Variants in C4orf50 observed in about 807,000 individuals in gnomAD.
C4orf50 encodes chromosome 4 open reading frame 50.
C4orf50 carries 80 observed loss-of-function variants against 77.2 expected under a neutral mutation model. The observed-to-expected ratio is 1.04, with a 90% CI of 0.87 to 1.25. The LOEUF is 1.25. C4orf50 is among the 50% of genes most tolerant of loss of function. C4orf50 has a pLI of 0.00. For missense variants in C4orf50, 1,257 were observed against 1,152.9 expected, an observed-to-expected ratio of 1.09 and a Z score of -1.31; for synonymous variants, 532 against 465.3, an observed-to-expected ratio of 1.14 and a Z score of -1.84.
Position 5,989,312 on chromosome 4 carries a change from G to T in C4orf50, c.2734C>A (p.Pro912Thr), listed in dbSNP as rs989944137. ...TCGAGGGCACCCCAGGGCTCAGCAG[G>T]CCCCTGTGGAGGGTTTGGGCTGGCT... The change falls in exon 28 of 34, where the codon CCT becomes ACT. Residue 912 changes from proline (P) to threonine (T), a missense_variant. Physicochemically the swap from Pro to Thr is conservative, Grantham distance 38. Transcript: ENST00000531445. 4.6e-6 allele frequency: 7 copies of T among 1,535,906 alleles called. No homozygotes were observed. In the Middle Eastern group the frequency reaches 5.0e-4, roughly 109 times the overall value.
intron 33 of C4orf50, among the ~76,000 whole-genome samples, chr4:5,961,277 T>C (rs957950584): frequency 1.3e-5 from 2 of 152,186 alleles, no homozygotes; most frequent in African/African-American, 4.8e-5. Flanking sequence ...ATCGTGCCTC[T>C]GCACGCCAGC....
In C4orf50 at chr4:5,992,213, A is replaced by G. The variant is rs1264042490; in HGVS notation, c.1221+590T>C. Reference sequence around the variant, plus strand: ...GAGATACATCGTGAGCAGGATGTGAATGAATGAAGAGATGATGGAGGGCCT... The same window carrying G: ...GAGATACATCGTGAGCAGGATGTGAGTGAATGAAGAGATGATGGAGGGCCT... On this transcript the variant is annotated intron_variant, in intron 27 of 33. Transcript: ENST00000531445. This position sits in a 1 kb window ranked among gnomAD's most constrained non-coding sequence, Gnocchi z 5.0. 2.6e-5 allele frequency among the ~76,000 whole-genome samples: 4 copies of G among 152,208 alleles called. No individual in the cohort carries two copies. In the East Asian group the frequency reaches 7.7e-4, roughly 29 times the overall value.
chr4:5,976,589 T>C (rs1158680400), intron 29 of C4orf50, among the ~76,000 whole-genome samples: 1 of 152,100 alleles, frequency 6.6e-6, no homozygotes, highest in Non-Finnish European at 1.5e-5. Flanking sequence ...TACAAGTTCC[T>C]GAGCCAGACA....
At chr4:5,987,554 AAG>A (rs780978544) in intron 28 of C4orf50, among the ~76,000 whole-genome samples, 11 of 151,750 alleles carry the variant, frequency 7.2e-5, no homozygotes, top group Non-Finnish European at 1.3e-4. Context: ...GTGGGGAGGA[AAG>A]AGAGAAAGGA....
intron 7 of C4orf50, among the ~76,000 whole-genome samples, chr4:5,934,533 C>T (rs1717923398): frequency 6.6e-6 from 1 of 152,152 alleles, no homozygotes; most frequent in Non-Finnish European, 1.5e-5. Context: ...TCCTGCCACT[C>T]CTCCCTGCAC....
intron 30 of C4orf50, among the ~76,000 whole-genome samples, chr4:5,974,213 G>A (rs981636388): frequency 3.9e-5 from 6 of 152,154 alleles, no homozygotes; most frequent in Non-Finnish European, 5.9e-5. Flanking sequence ...AAAAGGAGAC[G>A]GCGCAGGCAG....
At chr4:5,999,678 T>C (rs1242577577) in intron 25 of C4orf50, among the ~76,000 whole-genome samples, 1 of 151,988 alleles carries the variant, frequency 6.6e-6, no homozygotes, top group Non-Finnish European at 1.5e-5. Flanking sequence ...AGTGAACCAG[T>C]TTTTGATGAT....
At chr4:5,973,685 T>A (rs1720065934) in exon 31 of C4orf50, 4 of 1,613,278 alleles carry the variant, frequency 2.5e-6, no homozygotes, top group Non-Finnish European at 3.4e-6. Flanking sequence ...GCCAGGAAGG[T>A]GGCCGTGTAC....
chr4:5,959,754 G>A, intron 33 of C4orf50, 128 bp from the exon 12 acceptor site: 1 of 1,114,168 alleles, frequency 9.0e-7, no homozygotes, highest in Non-Finnish European at 1.2e-6. Flanking sequence ...TTCTGTGCCT[G>A]GCACCAAATA....
chr4:5,927,969 T>C (rs1435873896), intron 7 of C4orf50, among the ~76,000 whole-genome samples: 1 of 152,208 alleles, frequency 6.6e-6, no homozygotes, highest in East Asian at 1.9e-4. Context: ...TGATGTGTCC[T>C]GAGTTGACAA....
chr4:6,002,555 G>C (rs1001175048), intron 25 of C4orf50, among the ~76,000 whole-genome samples: 2 of 152,188 alleles, frequency 1.3e-5, no homozygotes, highest in African/African-American at 4.8e-5. Flanking sequence ...AACCAGCTGG[G>C]AACACCTTGC....
chr4:5,981,051 ATTC>A (rs1370998799), intron 28 of C4orf50, among the ~76,000 whole-genome samples: 1 of 152,206 alleles, frequency 6.6e-6, no homozygotes, highest in African/African-American at 2.4e-5. Context: ...TGAAGTCTAA[ATTC>A]TTATTTTTTT....
In C4orf50 at chr4:5,989,823, C is replaced by A. The variant is rs534062349; in HGVS notation, c.2223G>T (p.Gly741=). ...CAGGCTCCTCGGGGGCACCCCTGCA[C>A]CCCAGACCGGATGCTTCTTGATGCG... Residue 741 remains glycine, a synonymous_variant, in exon 28 of 34, where the codon GGG becomes GGT. Transcript: ENST00000531445. 2.0e-6 allele frequency: 3 copies of A among 1,483,376 alleles called. No individual in the cohort carries two copies. The African/African-American group carries it at 4.2e-5, about 21-fold the overall frequency. The allele number at this position is 1,483,376 out of a possible 1,614,324, so 91.9% of individuals were successfully genotyped here.
intron 7 of C4orf50, among the ~76,000 whole-genome samples, chr4:5,929,448 C>CATTAT (rs1439077882): frequency 6.6e-6 from 1 of 152,078 alleles, no homozygotes; most frequent in African/African-American, 2.4e-5. Context: ...TTAGGAATAA[C>CATTAT]ATTTCCTTGA....
At chr4:5,966,242 A>G (rs6841353) in intron 32 of C4orf50, among the ~76,000 whole-genome samples, 102,913 of 152,118 alleles carry the variant, frequency 0.68, 35,673 homozygotes, top group African/African-American at 0.75. Flanking sequence ...TTGGGAGGGC[A>G]AGGCAGGTGG....
At chr4:5,963,805 C>T (rs933762710) in intron 33 of C4orf50, among the ~76,000 whole-genome samples, 3 of 152,144 alleles carry the variant, frequency 2.0e-5, no homozygotes, top group South Asian at 2.1e-4. Flanking sequence ...GGCAGGCAGC[C>T]GCATTTCACA....
At chr4:5,981,413 T>G (rs1011015568) in intron 28 of C4orf50, among the ~76,000 whole-genome samples, 1 of 151,156 alleles carries the variant, frequency 6.6e-6, no homozygotes, top group African/African-American at 2.4e-5. Context: ...TTTTTTTTTT[T>G]TTTTTTTTGA....
At chr4:5,966,807 A>G (rs28488772) in intron 32 of C4orf50, among the ~76,000 whole-genome samples, 102,461 of 151,328 alleles carry the variant, frequency 0.68, 35,509 homozygotes, top group African/African-American at 0.75. Flanking sequence ...GCGCCACCAT[A>G]CCCAGCTAAT....
At chr4:5,923,177 T>C (rs1170541270) in intron 7 of C4orf50, 3 of 154,360 alleles carry the variant, frequency 1.9e-5, no homozygotes, top group African/African-American at 7.2e-5. Context: ...AAGGGAGCGA[T>C]TATAATCCCT....
Sources: gnomAD v4.1 joint callset for allele counts (sites outside exome capture counted in the v4.1 genomes callset) on GRCh38, gnomAD v4.1.1 for gene constraint, Gnocchi (gnomAD v3.1) non-coding constraint, MANE v1.5 for transcripts, NCBI Gene and HGNC (gene_info 2026-07-23, HGNC 2026-07-21) for gene names.